The following ABCA12 variants were observed in gnomAD, a reference collection of about 807,000 sequenced individuals.
ABCA12 encodes the protein ATP binding cassette subfamily A member 12.
A neutral mutation model predicts 293.5 loss-of-function variants in ABCA12; 156 were observed. The ratio of observed to expected loss-of-function variants is 0.53; its 90% CI spans 0.47 to 0.61. The LOEUF is 0.61. Among genes scored for constraint, ABCA12 ranks in the 20% least tolerant of loss-of-function variants. ABCA12 has a pLI of 0.00. For missense variants in ABCA12, 2,797 were observed against 3,090.2 expected (o/e 0.91, Z 2.25); for synonymous variants, 1,063 against 1,108.0 (o/e 0.96, Z 0.81).
At chr2:215,087,769 G>A (rs981240737) in intron 2 of ABCA12, among the ~76,000 whole-genome samples, 4 of 152,122 alleles carry the variant, frequency 2.6e-5, no homozygotes, top group Non-Finnish European at 5.9e-5. Context: ...GAATGACAGG[G>A]AAGGGAGAGA....
rs751542837 is a variant in ABCA12 at position 214,959,027 on chromosome 2, G to A, written c.5936C>T (p.Ala1979Val). 1.9e-6 allele frequency: 3 copies of A among 1,613,654 alleles called. No homozygotes were observed. The highest frequency in any genetic ancestry group is 2.2e-5 in the East Asian group (1 of 44,862). Residue 1979 changes from alanine to valine, a missense_variant, in exon 40 of 53, where the codon GCC becomes GTC. Ala to Val is a moderately conservative substitution (Grantham distance 64). Around this residue, in one of 3 missense-constraint regions of ABCA12, gnomAD observed 2,130 missense variants for 2,427.0 expected, o/e 0.88. Transcript: ENST00000272895. ...PYPGVQDQEQ[A>V]TISSLIDILV... ...CATGCTAGAGATATCTGCTTACGTG[G>A]CTTGTTCTTGGTCTTGCACTCCTGG...
intron 1 of ABCA12, among the ~76,000 whole-genome samples, chr2:215,113,285 G>T (rs1036752178): frequency 6.6e-6 from 1 of 152,192 alleles, no homozygotes; most frequent in African/African-American, 2.4e-5. Flanking sequence ...GGGTATAATG[G>T]TAAGTTTTCA....
chr2:215,075,393 G>A, intron 2 of ABCA12: 1 of 549,018 alleles, frequency 1.8e-6, no homozygotes, highest in Non-Finnish European at 3.2e-6. Flanking sequence ...TAACTTATGA[G>A]TTATTGCCCG....
chr2:214,949,262 CT>C, intron 45 of ABCA12, 113 bp from the exon 46 acceptor site: 1 of 809,156 alleles, frequency 1.2e-6, no homozygotes, highest in Non-Finnish European at 2.1e-6. Flanking sequence ...AAAAATAAAT[CT>C]CTGGAATTAT....
At position 215,047,386 on chromosome 2, in the gene ABCA12, T is replaced by C. The variant is rs576353177; in HGVS notation, c.694-1371A>G. Among the ~76,000 whole-genome samples the C allele has an allele frequency of 2.6e-5, 4 of 152,310 alleles. No individual in the cohort carries two copies. In the South Asian group the frequency reaches 6.2e-4, roughly 24 times the overall value. On this transcript the variant is annotated intron_variant, in intron 6 of 52. Transcript: ENST00000272895. ...CACATTACCTAACTTCAGACTATAC[T>C]GCAGGGCTACAGTAACCAAAACAGC...
At chr2:215,136,449 G>A (rs968099925) in intron 1 of ABCA12, among the ~76,000 whole-genome samples, 13 of 152,022 alleles carry the variant, frequency 8.6e-5, no homozygotes, top group Admixed American at 7.2e-4. Flanking sequence ...CTTCACCTGA[G>A]ATTTGGGTGT....
intron 1 of ABCA12, among the ~76,000 whole-genome samples, chr2:215,119,519 A>C (rs1000897295): frequency 2.6e-5 from 4 of 152,068 alleles, no homozygotes; most frequent in Non-Finnish European, 5.9e-5. Context: ...ATTCTTCTGC[A>C]TATGGCTGGT....
chr2:215,082,905 T>C (rs183448611), intron 2 of ABCA12: 2 of 152,346 alleles, frequency 1.3e-5, no homozygotes, highest in Admixed American at 1.3e-4. Flanking sequence ...TTCATTCACA[T>C]AACCATGGAA....
At chr2:215,015,362 A>G (rs1225403604) in intron 15 of ABCA12, 128 bp downstream of exon 15, 2 of 987,836 alleles carry the variant, frequency 2.0e-6, no homozygotes. Flanking sequence ...TAGCTTTAAC[A>G]TAATGCAATA....
intron 51 of ABCA12, among the ~76,000 whole-genome samples, chr2:214,936,612 T>C (rs987319288): frequency 3.3e-5 from 5 of 152,234 alleles, no homozygotes; most frequent in Admixed American, 1.3e-4. Context: ...CTATGTTAGG[T>C]ATATATGCAT....
chr2:214,939,139 A>G (rs1291885925), intron 50 of ABCA12, among the ~76,000 whole-genome samples: 1 of 152,184 alleles, frequency 6.6e-6, no homozygotes, highest in Non-Finnish European at 1.5e-5. Context: ...TAATTTTTGT[A>G]TAAGGTGTAA....
chr2:214,965,642 A>G (rs1227613206), intron 39 of ABCA12, among the ~76,000 whole-genome samples: 1 of 152,168 alleles, frequency 6.6e-6, no homozygotes, highest in African/African-American at 2.4e-5. Context: ...GCTCAACATC[A>G]CTCATCATTA....
intron 36 of ABCA12, among the ~76,000 whole-genome samples, chr2:214,971,242 C>T (rs1204954563): frequency 6.6e-6 from 1 of 152,094 alleles, no homozygotes; most frequent in East Asian, 1.9e-4. Flanking sequence ...TAAAGAAAAT[C>T]GGTGCTGGAT....
intron 6 of ABCA12, among the ~76,000 whole-genome samples, chr2:215,047,223 A>G (rs1215334877): frequency 1.3e-5 from 2 of 152,208 alleles, no homozygotes. Context: ...TGTATCCTGG[A>G]ACTTAACATT....
chr2:215,107,860 T>C (rs1184124265), intron 2 of ABCA12, among the ~76,000 whole-genome samples: 1 of 152,236 alleles, frequency 6.6e-6, no homozygotes, highest in Non-Finnish European at 1.5e-5. Context: ...AGAGGAGCTA[T>C]TGTACAGTCT....
At chr2:215,092,071 C>A (rs148294923) in intron 2 of ABCA12, among the ~76,000 whole-genome samples, 1 of 152,226 alleles carries the variant, frequency 6.6e-6, no homozygotes. Flanking sequence ...AAGATTGATG[C>A]TGCCTGATGG....
chr2:215,061,710 C>T (rs2204267), intron 3 of ABCA12, among the ~76,000 whole-genome samples: 28,775 of 151,894 alleles, frequency 0.19, 2,864 homozygotes, highest in East Asian at 0.35. Flanking sequence ...CAGCAATATA[C>T]AACTTGAGCT....
At chr2:214,954,587 C>G (rs975552487) in intron 43 of ABCA12, among the ~76,000 whole-genome samples, 2 of 152,194 alleles carry the variant, frequency 1.3e-5, no homozygotes, top group African/African-American at 2.4e-5. Context: ...ATTATTCACA[C>G]GTGGGCCAAC....
At chr2:214,968,443 AGTT>A (rs1324164551) in intron 38 of ABCA12, among the ~76,000 whole-genome samples, 1 of 152,038 alleles carries the variant, frequency 6.6e-6, no homozygotes, top group Non-Finnish European at 1.5e-5. Context: ...AATATGAAAC[AGTT>A]TATTTCTATA....
Sources: gnomAD v4.1 joint callset for allele counts (sites outside exome capture counted in the v4.1 genomes callset) on GRCh38, gnomAD v4.1.1 for gene constraint, gnomAD v4.1.1 regional missense constraint, MANE v1.5 for transcripts, NCBI Gene and HGNC (gene_info 2026-07-23, HGNC 2026-07-21) for gene names.